AHCYL1: variants seen among roughly 807,000 people sequenced by gnomAD.
AHCYL1 encodes adenosylhomocysteinase like 1.
A neutral mutation model predicts 79.3 loss-of-function variants in AHCYL1; 20 were observed. The observed-to-expected ratio is 0.25, with a 90% CI of 0.18 to 0.37. The LOEUF (loss-of-function observed/expected upper bound fraction) is 0.37, where lower values mean the gene tolerates loss of function less well. Ranked by LOEUF, AHCYL1 falls within the 10% of genes least tolerant of loss-of-function variation. AHCYL1 has a pLI of 1.00. For missense variants in AHCYL1, 330 were observed against 673.6 expected (o/e 0.49, Z 5.65); for synonymous variants, 223 against 242.2 (o/e 0.92, Z 0.74).
At chr1:110,000,491 AAC>A (rs1232452791) in intron 1 of AHCYL1, among the ~76,000 whole-genome samples, 4 of 152,236 alleles carry the variant, frequency 2.6e-5, no homozygotes, top group African/African-American at 7.2e-5. Flanking sequence ...GCAACGTAAA[AAC>A]ATTACATTTC....
rs1351117167 is a variant in AHCYL1, at chr1:110,021,828, C to A, written c.*148C>A. On this transcript the variant is annotated 3_prime_UTR_variant, in exon 17 of 17. Coordinates refer to ENST00000369799, the MANE Select transcript of AHCYL1 (RefSeq NM_006621.7). ...GTTTTTTCATCTCATTATCCAAGTT[C>A]TGCAGACCACACAGGAACTTGCTTC... 1 of 791,632 alleles carries A rather than the reference C, an allele frequency of 1.3e-6. No homozygotes were observed. The highest frequency in any genetic ancestry group is 2.0e-6 in the Non-Finnish European group (1 of 512,362). The allele number at this position is 791,632 out of a possible 1,614,324, so 49.0% of individuals were successfully genotyped here.
intron 11 of AHCYL1, 36 bp downstream of exon 11, chr1:110,018,052 G>C: frequency 6.2e-7 from 1 of 1,608,012 alleles, no homozygotes; most frequent in Non-Finnish European, 8.5e-7. Context: ...TTATTCAGAG[G>C]CTAAATCTTG....
intron 1 of AHCYL1, among the ~76,000 whole-genome samples, chr1:109,989,047 T>C (rs1649610538): frequency 1.3e-5 from 2 of 152,244 alleles, no homozygotes; most frequent in Admixed American, 1.3e-4. Context: ...ATCATTAGTA[T>C]CTCTTGATTC....
At chr1:110,004,084 G>A (rs963505087) in intron 1 of AHCYL1, 17 of 985,338 alleles carry the variant, frequency 1.7e-5, no homozygotes, top group East Asian at 1.1e-4. Flanking sequence ...TTCTCGCCGC[G>A]AGCATTGACA....
At chr1:110,012,563 G>A in intron 4 of AHCYL1, 101 bp downstream of exon 4, 1 of 970,670 alleles carries the variant, frequency 1.0e-6, no homozygotes, top group Admixed American at 3.2e-5. Context: ...ACCTCCAAAT[G>A]CTAACTATTA....
In AHCYL1 at chr1:109,984,823, A is replaced by G. The variant is rs1433308492; in HGVS notation, c.-230A>G. 1.2e-5 allele frequency: 4 copies of G among 335,896 alleles called. No homozygotes were observed. In the East Asian group the frequency reaches 1.9e-4, roughly 16 times the overall value. 20.8% of individuals were successfully genotyped at this position (335,896 alleles called of 1,614,324 possible). A position where few individuals can be genotyped will look rare whatever the true frequency, so the allele number is the denominator to read the frequency against. Reference sequence around the variant, plus strand: ...GCGGCGCGGGCAGGTCGGAGCTCGGAGCTGCTGTTCTGGTTCTCTTGTGGC... The same window carrying G: ...GCGGCGCGGGCAGGTCGGAGCTCGGGGCTGCTGTTCTGGTTCTCTTGTGGC... On this transcript the variant is annotated 5_prime_UTR_variant, in exon 1 of 17. Coordinates refer to ENST00000369799, the MANE Select transcript of AHCYL1 (RefSeq NM_006621.7).
chr1:109,997,034 T>C (rs1213452853), intron 1 of AHCYL1, among the ~76,000 whole-genome samples: 1 of 152,170 alleles, frequency 6.6e-6, no homozygotes, highest in Non-Finnish European at 1.5e-5. Flanking sequence ...TGTAAACAAC[T>C]CAAGGATATC....
At chr1:109,986,450 G>C (rs1430923898) in intron 1 of AHCYL1, among the ~76,000 whole-genome samples, 1 of 152,092 alleles carries the variant, frequency 6.6e-6, no homozygotes. Context: ...TCCTTTAAAA[G>C]ATTGTGGAAG....
intron 7 of AHCYL1, 90 bp from the exon 8 acceptor site, chr1:110,016,254 C>T: frequency 1.2e-6 from 1 of 829,494 alleles, no homozygotes; most frequent in Non-Finnish European, 2.0e-6. Context: ...CAGCATGGAA[C>T]TTGAAGAGAA....
At chr1:110,001,901 A>G (rs940939031) in intron 1 of AHCYL1, among the ~76,000 whole-genome samples, 1 of 152,248 alleles carries the variant, frequency 6.6e-6, no homozygotes, top group Non-Finnish European at 1.5e-5. Flanking sequence ...AGTCACACAG[A>G]AAATAGTACT....
At chr1:110,012,264 T>C in intron 3 of AHCYL1, 98 bp from the exon 4 acceptor site, 1 of 1,037,606 alleles carries the variant, frequency 9.6e-7, no homozygotes, top group Non-Finnish European at 1.4e-6. Flanking sequence ...TTTTTCTGCC[T>C]CATCTCACCA....
intron 1 of AHCYL1, among the ~76,000 whole-genome samples, chr1:109,990,711 C>T (rs1649714812): frequency 6.6e-6 from 1 of 152,072 alleles, no homozygotes. Context: ...TTGAGATGTC[C>T]TCTACCTTAC....
intron 1 of AHCYL1, among the ~76,000 whole-genome samples, chr1:110,000,666 AG>A (rs1650262078): frequency 6.6e-6 from 1 of 152,168 alleles, no homozygotes; most frequent in Non-Finnish European, 1.5e-5. Flanking sequence ...TTGGAAATAA[AG>A]GGGAAAGCTG....
At chr1:110,020,044 T>G (rs531396900) in intron 15 of AHCYL1, among the ~76,000 whole-genome samples, 1 of 152,368 alleles carries the variant, frequency 6.6e-6, no homozygotes, top group South Asian at 2.1e-4. Flanking sequence ...CAACCCATGC[T>G]GTGTTCATGT....
At chr1:110,016,548 G>C in intron 8 of AHCYL1, 88 bp downstream of exon 8, 1 of 1,557,322 alleles carries the variant, frequency 6.4e-7, no homozygotes, top group Non-Finnish European at 8.8e-7. Context: ...ATTTCATACT[G>C]AGCTCAACCA....
At chr1:109,989,125 T>A (rs935038082) in intron 1 of AHCYL1, among the ~76,000 whole-genome samples, 1 of 152,244 alleles carries the variant, frequency 6.6e-6, no homozygotes, top group African/African-American at 2.4e-5. Context: ...AAGATCCTCT[T>A]TTTAAGATTT....
At chr1:109,988,383 T>A (rs1649580476) in intron 1 of AHCYL1, among the ~76,000 whole-genome samples, 1 of 152,238 alleles carries the variant, frequency 6.6e-6, no homozygotes, top group African/African-American at 2.4e-5. Context: ...GAGTTAAGTG[T>A]ACCACAACTG....
chr1:110,012,224 C>A, intron 3 of AHCYL1, 138 bp from the exon 4 acceptor site: 2 of 631,288 alleles, frequency 3.2e-6, no homozygotes, highest in Non-Finnish European at 5.3e-6. Context: ...GCCGTTGAAG[C>A]TGCCAGTCGT....
chr1:109,990,333 G>T (rs571945531), intron 1 of AHCYL1, among the ~76,000 whole-genome samples: 2 of 152,288 alleles, frequency 1.3e-5, no homozygotes, highest in East Asian at 3.9e-4. Context: ...ATAGTAATTA[G>T]TGGGGTTTTT....
Sources: allele counts gnomAD v4.1 joint callset (sites outside exome capture counted in the v4.1 genomes callset), GRCh38; gene constraint gnomAD v4.1.1; transcripts MANE v1.5; gene names NCBI Gene and HGNC (gene_info 2026-07-23, HGNC 2026-07-21).